The following GNPNAT1 variants were observed in gnomAD, a reference collection of about 807,000 sequenced individuals.
GNPNAT1 encodes glucosamine 6-phosphate N-acetyltransferase.
GNPNAT1 carries 11 observed loss-of-function variants against 19.8 expected under a neutral mutation model. That is an observed-to-expected ratio of 0.56 (90% CI 0.35 to 0.92). The LOEUF is 0.92. Ranked by LOEUF, GNPNAT1 falls within the 40% of genes least tolerant of loss-of-function variation. The probability of loss-of-function intolerance (pLI) is 0.01; values close to 1 mark genes in which losing one functional copy is unlikely to be tolerated. For synonymous variants in GNPNAT1, 71 were observed against 72.3 expected (o/e 0.98, Z 0.09); for missense variants, 157 against 211.0 (o/e 0.74, Z 1.59).
At chr14:52,779,460 T>G (rs1332370230) in intron 5 of GNPNAT1, among the ~76,000 whole-genome samples, 1 of 152,100 alleles carries the variant, frequency 6.6e-6, no homozygotes, top group Non-Finnish European at 1.5e-5. Context: ...CCTGGCTGGT[T>G]GCAGTGGCTC....
At chr14:52,783,566 G>A in intron 2 of GNPNAT1, 81 bp from the exon 3 acceptor site, 3 of 837,296 alleles carry the variant, frequency 3.6e-6, no homozygotes, top group South Asian at 3.0e-5. Context: ...TTAAGCAGGT[G>A]GGCTTACAGG....
chr14:52,784,432 G>T, intron 2 of GNPNAT1, 65 bp downstream of exon 2: 1 of 1,269,014 alleles, frequency 7.9e-7, no homozygotes, highest in Non-Finnish European at 1.1e-6. Flanking sequence ...AAAATTATCT[G>T]CATCATAATG....
intron 1 of GNPNAT1, among the ~76,000 whole-genome samples, chr14:52,786,281 G>C (rs1014225786): frequency 5.3e-5 from 8 of 151,784 alleles, no homozygotes; most frequent in African/African-American, 1.7e-4. Context: ...GAGGCAGGTA[G>C]ATCACCAGAG....
rs1882900984 is a variant in GNPNAT1, at chr14:52,781,834, C to A, written c.295G>T (p.Ala99Ser). 1 of 1,606,550 alleles carries A rather than the reference C, an allele frequency of 6.2e-7. No homozygotes were observed. The highest frequency in any genetic ancestry group is 1.3e-5 in the African/African-American group (1 of 74,578). Residue 99 changes from alanine (A) to serine (S), a missense_variant, in exon 4 of 6, where the codon GCT becomes TCT. Ala to Ser is a moderately conservative substitution (Grantham distance 99). Transcript: ENST00000216410. ...TGTTCTATAATCAGAGTTGCCGTAG[C>A]AACAATCTGTCCTAGAGTCACATCT... The part of the protein sequence containing the change: ...VEDVTLGQIV[A>S]TATLIIEHKF...
intron 3 of GNPNAT1, among the ~76,000 whole-genome samples, chr14:52,782,290 T>C (rs767451519): frequency 1.3e-5 from 2 of 152,098 alleles, no homozygotes; most frequent in Non-Finnish European, 2.9e-5. Flanking sequence ...AATATAACCT[T>C]TGCACATTTT....
intron 4 of GNPNAT1, 34 bp downstream of exon 4, chr14:52,781,750 A>AC: frequency 6.4e-7 from 1 of 1,557,590 alleles, no homozygotes; most frequent in Non-Finnish European, 8.6e-7. Context: ...GTGCTAGAAA[A>AC]CAGCTGTCCA....
intron 5 of GNPNAT1, 57 bp downstream of exon 5, chr14:52,780,622 T>C (rs1882871655): frequency 4.7e-6 from 5 of 1,066,828 alleles, no homozygotes; most frequent in South Asian, 1.3e-5. Flanking sequence ...AGTATCTTGT[T>C]AAGAAACTAA....
intron 2 of GNPNAT1, 97 bp downstream of exon 2, chr14:52,784,399 GT>G: frequency 1.0e-6 from 1 of 967,496 alleles, no homozygotes; most frequent in Non-Finnish European, 1.4e-6. Context: ...ACAAAAAATA[GT>G]CCAAAAGTCA....
At position 52,786,889 on chromosome 14, in the gene GNPNAT1, T is replaced by C. The variant is rs888151292; in HGVS notation, c.-14-2225A>G. On this transcript the variant is annotated intron_variant, in intron 1 of 5. Coordinates refer to ENST00000216410, the MANE Select transcript of GNPNAT1 (RefSeq NM_198066.4). ...TTTTTTTTTTTTTTTTTTTTTTTTTTCAGATTTGGGGATATTTGCATATAC... is the reference window on the plus strand; with the variant it reads ...TTTTTTTTTTTTTTTTTTTTTTTTTCCAGATTTGGGGATATTTGCATATAC... Among the ~76,000 whole-genome samples the C allele has an allele frequency of 5.3e-4, 64 of 121,238 alleles. No homozygotes were observed. The South Asian group carries it at 5.5e-3, about 10-fold the overall frequency. 79.5% of individuals were successfully genotyped at this position (121,238 alleles called of 152,430 possible). A position where few individuals can be genotyped will look rare whatever the true frequency, so the allele number is the denominator to read the frequency against.
Position 52,778,146 on chromosome 14 carries a change from C to G in GNPNAT1, c.*165G>C. 2.3e-6 allele frequency: 1 copy of G among 428,610 alleles called. No homozygotes were observed. Among genetic ancestry groups the G allele is most frequent in the Non-Finnish European group, 4.1e-6 (1 of 243,036 alleles). The allele number at this position is 428,610 out of a possible 1,614,324, so 26.6% of individuals were successfully genotyped here. On this transcript the variant is annotated 3_prime_UTR_variant, in exon 6 of 6. Transcript: ENST00000216410. Reference sequence around the variant, plus strand: ...TAATCTAAATTCACAGCATGTCCCACCAGCCCAAAGTAATCTTCTAAATGT... The same window carrying G: ...TAATCTAAATTCACAGCATGTCCCAGCAGCCCAAAGTAATCTTCTAAATGT...
At position 52,781,187 on chromosome 14, in the gene GNPNAT1, A is replaced by G. The variant is rs140962224; in HGVS notation, c.346-447T>C. Among the ~76,000 whole-genome samples, 115 of 152,246 alleles carry G rather than the reference A, an allele frequency of 7.6e-4. No individual in the cohort carries two copies. In the East Asian group the frequency reaches 0.014, roughly 19 times the overall value. ...ACAAATATCAGGATCAACATCACCAAAATGTAACCTTTTCATGAATATATC... is the reference window on the plus strand; with the variant it reads ...ACAAATATCAGGATCAACATCACCAGAATGTAACCTTTTCATGAATATATC... On this transcript the variant is annotated intron_variant, in intron 4 of 5. Coordinates refer to ENST00000216410, the MANE Select transcript of GNPNAT1 (RefSeq NM_198066.4).
intron 5 of GNPNAT1, among the ~76,000 whole-genome samples, chr14:52,779,968 T>C (rs576234803): frequency 7.0e-4 from 106 of 152,092 alleles, no homozygotes; most frequent in Admixed American, 1.2e-3. Context: ...AGGAGCACTG[T>C]TTGAGACCAG....
chr14:52,789,664 ATAAT>A (rs574716460), intron 1 of GNPNAT1, among the ~76,000 whole-genome samples: 1 of 152,220 alleles, frequency 6.6e-6, no homozygotes, highest in Non-Finnish European at 1.5e-5. Flanking sequence ...GGTTTAGAAC[ATAAT>A]TAAATAAGTA....
rs1883169082 is a variant in GNPNAT1 at position 52,791,259 on chromosome 14, C to T, written c.-15+169G>A. Among the ~76,000 whole-genome samples the T allele has an allele frequency of 2.0e-5, 3 of 152,154 alleles. No homozygotes were observed. The highest frequency in any genetic ancestry group is 4.4e-5 in the Non-Finnish European group (3 of 68,024). ...AACTTCCTGGGAACCGCGCTCCACA[C>T]CATGTGCACCCAGCTGGCGAGGATT... On this transcript the variant is annotated intron_variant, in intron 1 of 5. Coordinates refer to ENST00000216410, the MANE Select transcript of GNPNAT1 (RefSeq NM_198066.4). This position sits in a 1 kb window ranked among gnomAD's most constrained non-coding sequence, Gnocchi z 4.1.
At position 52,778,255 on chromosome 14, in the gene GNPNAT1, T is replaced by C. The variant is rs1421025788; in HGVS notation, c.*56A>G. ...CTGCAGCAACAAAATATTTCAACTC[T>C]AGGAAGAGTGTAGCCTTGTAGCATT... On this transcript the variant is annotated 3_prime_UTR_variant, in exon 6 of 6. Transcript: ENST00000216410. The C allele has an allele frequency of 3.0e-6, 4 of 1,354,172 alleles. No homozygotes were observed. The highest frequency in any genetic ancestry group is 4.0e-6 in the Non-Finnish European group (4 of 1,000,770). 83.9% of individuals were successfully genotyped at this position (1,354,172 alleles called of 1,614,324 possible).
At chr14:52,786,043 G>A (rs1255172438) in intron 1 of GNPNAT1, among the ~76,000 whole-genome samples, 2 of 138,766 alleles carry the variant, frequency 1.4e-5, no homozygotes, top group Non-Finnish European at 3.0e-5. Flanking sequence ...GAGCCACCAT[G>A]TCTAGCCACA....
In GNPNAT1 at chr14:52,783,462, G is replaced by A. The variant is rs781349298; in HGVS notation, c.178C>T (p.Leu60=). ...NRGFFKVLGQ[L]TETGVVSPEQ... is the part of the protein sequence containing the mutation. ...GGGCTGACAACTCCAGTCTCTGTTA[G>A]CTGACCCAATACCTTAAAAAAACCT... The change falls in exon 3 of 6, where the codon CTA becomes TTA. Residue 60 remains leucine, a synonymous_variant. Coordinates refer to ENST00000216410, the MANE Select transcript of GNPNAT1 (RefSeq NM_198066.4). 6.2e-7 allele frequency: 1 copy of A among 1,610,446 alleles called. No individual in the cohort carries two copies. Among genetic ancestry groups the A allele is most frequent in the Non-Finnish European group, 8.5e-7 (1 of 1,176,994 alleles).
intron 1 of GNPNAT1, among the ~76,000 whole-genome samples, chr14:52,788,622 G>A (rs1215666142): frequency 2.0e-5 from 3 of 152,114 alleles, no homozygotes; most frequent in East Asian, 1.9e-4. Context: ...TAAATTCCTC[G>A]AGGCAGCACA....
intron 5 of GNPNAT1, among the ~76,000 whole-genome samples, chr14:52,778,923 G>T (rs562267472): frequency 3.3e-4 from 50 of 152,222 alleles, no homozygotes; most frequent in Non-Finnish European, 6.2e-4. Context: ...GCTGAGGGGG[G>T]AAGATCACCT....
Sources: gnomAD v4.1 joint callset for allele counts (sites outside exome capture counted in the v4.1 genomes callset) on GRCh38, gnomAD v4.1.1 for gene constraint, Gnocchi (gnomAD v3.1) non-coding constraint, MANE v1.5 for transcripts, NCBI Gene and HGNC (gene_info 2026-07-23, HGNC 2026-07-21) for gene names.